Variants in PLCB4 observed in about 807,000 individuals in gnomAD.
The protein encoded by PLCB4 is phospholipase C beta 4, also known as 1-phosphatidylinositol 4,5-bisphosphate phosphodiesterase beta-4.
PLCB4 carries 77 observed loss-of-function variants against 178.8 expected under a neutral mutation model. That is an observed-to-expected ratio of 0.43 (90% CI 0.36 to 0.52). The LOEUF (loss-of-function observed/expected upper bound fraction) is 0.52, where lower values mean the gene tolerates loss of function less well. PLCB4 is among the 20% of genes least tolerant of loss of function. The pLI is 0.00. For missense variants in PLCB4, 1,024 were observed against 1,453.4 expected (o/e 0.70, Z 4.80); for synonymous variants, 496 against 490.8 (o/e 1.01, Z -0.14).
chr20:9,099,214 A>G (rs1380796256), intron 2 of PLCB4, among the ~76,000 whole-genome samples: 1 of 152,164 alleles, frequency 6.6e-6, no homozygotes, highest in Non-Finnish European at 1.5e-5. Flanking sequence ...TGGGGAAGGT[A>G]TCTGAATCAT....
intron 2 of PLCB4, among the ~76,000 whole-genome samples, chr20:9,175,638 T>C (rs1279090644): frequency 1.3e-5 from 2 of 152,100 alleles, no homozygotes; most frequent in Admixed American, 6.6e-5. Flanking sequence ...GCAGTTCCAA[T>C]AAGTGATATG....
chr20:9,331,617 T>G (rs771123531), intron 4 of PLCB4, among the ~76,000 whole-genome samples: 3 of 152,332 alleles, frequency 2.0e-5, no homozygotes, highest in South Asian at 4.1e-4. Context: ...TAAACTTTAT[T>G]GAACAGAATC....
At position 9,350,927 on chromosome 20, in the gene PLCB4, T is replaced by C. The variant is rs2148156407; in HGVS notation, c.369+11890T>C. On this transcript the variant is annotated intron_variant, in intron 7 of 39. Transcript: ENST00000378473. ...TGGGGGGAACAGCCTCTTTCACCTG[T>C]AACACTGTGTGATGTTAATGTACTT... is the stretch of plus-strand genomic sequence containing the variant. Among the ~76,000 whole-genome samples, 2 of 152,314 alleles carry C rather than the reference T, an allele frequency of 1.3e-5. 1 individual carries two copies. The highest frequency in any genetic ancestry group is 4.1e-4 in the South Asian group (2 of 4,828).
chr20:9,443,094 A>G (rs553806678), intron 30 of PLCB4, among the ~76,000 whole-genome samples: 62 of 152,282 alleles, frequency 4.1e-4, no homozygotes, highest in African/African-American at 1.5e-3. Flanking sequence ...CTGGCCTAGC[A>G]TCACTCAGAT....
intron 4 of PLCB4, among the ~76,000 whole-genome samples, chr20:9,320,535 C>G (rs1218535071): frequency 6.6e-6 from 1 of 152,136 alleles, no homozygotes; most frequent in Non-Finnish European, 1.5e-5. Context: ...GGAATGTAGC[C>G]TAGTAGGTCT....
chr20:9,276,347 G>A (rs547736089), intron 3 of PLCB4, among the ~76,000 whole-genome samples: 6 of 152,142 alleles, frequency 3.9e-5, no homozygotes, highest in Admixed American at 3.3e-4. Context: ...GCCCAGATGC[G>A]ATACAGCTAC....
At chr20:9,096,201 G>A (rs1047567508) in intron 1 of PLCB4, 86 bp from the exon 2 acceptor site, 1 of 152,036 alleles carries the variant, frequency 6.6e-6, no homozygotes, top group Non-Finnish European at 1.5e-5. Context: ...AACACAACAT[G>A]GTAAGATTAT....
At chr20:9,234,101 A>G (rs1037761291) in intron 3 of PLCB4, among the ~76,000 whole-genome samples, 23 of 152,142 alleles carry the variant, frequency 1.5e-4, no homozygotes, top group African/African-American at 5.3e-4. Context: ...GATGAGTTGG[A>G]TACAGATGGT....
chr20:9,373,601 A>G (rs1009267076), intron 12 of PLCB4, among the ~76,000 whole-genome samples: 4 of 152,200 alleles, frequency 2.6e-5, no homozygotes, highest in Non-Finnish European at 4.4e-5. Context: ...GAATATTTTG[A>G]CAACAAGCAA....
intron 3 of PLCB4, among the ~76,000 whole-genome samples, chr20:9,294,617 A>T (rs989643098): frequency 1.3e-5 from 2 of 152,114 alleles, no homozygotes; most frequent in African/African-American, 4.8e-5. Flanking sequence ...GCTGGGCTGG[A>T]TAAGGATTTA....
chr20:9,387,697 G>A (rs533161226), intron 15 of PLCB4, 141 bp downstream of exon 15: 3 of 501,492 alleles, frequency 6.0e-6, no homozygotes, highest in South Asian at 7.6e-5. Flanking sequence ...TGAGGAAAAA[G>A]TCAAGACAAA....
chr20:9,419,383 A>G (rs1463216456), intron 25 of PLCB4, among the ~76,000 whole-genome samples: 2 of 152,212 alleles, frequency 1.3e-5, no homozygotes, highest in African/African-American at 4.8e-5. Context: ...GATTATTGTC[A>G]TCATAATTAG....
chr20:9,419,837 G>A lies in PLCB4; in HGVS notation c.2082G>A (p.Arg694=), dbSNP rs1238999360. The A allele has an allele frequency of 1.2e-6, 2 of 1,613,738 alleles. No homozygotes were observed. Among genetic ancestry groups the A allele is most frequent in the African/African-American group, 2.7e-5 (2 of 74,904 alleles). The part of the protein sequence containing the change: ...GYLLKPDFMR[R]PDRTFDPFSE... ...TTCTCAAACCAGATTTCATGAGGCG[G>A]CCTGATCGAACATTTGACCCCTTCT... The change falls in exon 26 of 40, where the codon CGG becomes CGA. Residue 694 remains arginine, a synonymous_variant. Coordinates refer to ENST00000378473, the MANE Select transcript of PLCB4 (RefSeq NM_001377142.1).
chr20:9,267,642 T>C (rs1419456395), intron 3 of PLCB4, among the ~76,000 whole-genome samples: 3 of 152,128 alleles, frequency 2.0e-5, no homozygotes, highest in African/African-American at 7.2e-5. Context: ...TGTGCTTAGA[T>C]ACATGAAAAT....
intron 9 of PLCB4, chr20:9,370,983 G>C (rs988136431): frequency 2.3e-6 from 1 of 440,296 alleles, no homozygotes; most frequent in African/African-American, 2.0e-5. Context: ...GCACCAGGGG[G>C]ACCCCTGGTC....
At chr20:9,143,190 C>T (rs1274639785) in intron 2 of PLCB4, among the ~76,000 whole-genome samples, 4 of 152,124 alleles carry the variant, frequency 2.6e-5, no homozygotes, top group Admixed American at 2.6e-4. Flanking sequence ...TTAGTGTCTT[C>T]TAATATCTAG....
At chr20:9,419,989 T>C (rs1441213735) in intron 26 of PLCB4, 80 bp downstream of exon 26, 2 of 873,904 alleles carry the variant, frequency 2.3e-6, no homozygotes, top group Non-Finnish European at 3.8e-6. Context: ...TATTGAATGT[T>C]AAATTGCAAG....
At chr20:9,225,979 C>A (rs1448950368) in intron 3 of PLCB4, among the ~76,000 whole-genome samples, 1 of 152,208 alleles carries the variant, frequency 6.6e-6, no homozygotes, top group Non-Finnish European at 1.5e-5. Context: ...TAAACCCTCC[C>A]AGGAGAGGAA....
At chr20:9,076,588 T>C (rs1443591410) in intron 1 of PLCB4, among the ~76,000 whole-genome samples, 1 of 152,200 alleles carries the variant, frequency 6.6e-6, no homozygotes. Context: ...AGTCACAAGA[T>C]GTCCCCCCTG....
Sources: allele counts gnomAD v4.1 joint callset (sites outside exome capture counted in the v4.1 genomes callset), GRCh38; gene constraint gnomAD v4.1.1; transcripts MANE v1.5; gene names NCBI Gene and HGNC (gene_info 2026-07-23, HGNC 2026-07-21).